The following LSAMP variants were observed in gnomAD, a reference collection of about 807,000 sequenced individuals.
The protein encoded by LSAMP is limbic system-associated membrane protein.
In LSAMP, 7 loss-of-function variants were observed where a neutral mutation model predicts 38.6. The observed-to-expected ratio is 0.18, with a 90% CI of 0.10 to 0.34. The LOEUF is 0.34. LSAMP is among the 10% of genes least tolerant of loss of function. LSAMP has a pLI of 1.00. For missense variants in LSAMP, 313 were observed against 420.0 expected, an observed-to-expected ratio of 0.75 and a Z score of 2.23; for synonymous variants, 154 against 166.8, an observed-to-expected ratio of 0.92 and a Z score of 0.59.
chr3:116,166,783 T>G (rs1710061248), intron 1 of LSAMP, among the ~76,000 whole-genome samples: 2 of 147,810 alleles, frequency 1.4e-5, no homozygotes, highest in African/African-American at 2.5e-5. Flanking sequence ...TTAGTTTTTT[T>G]TTTGTTTTTT....
chr3:116,142,489 A>G (rs1050877095), intron 1 of LSAMP, among the ~76,000 whole-genome samples: 3 of 152,050 alleles, frequency 2.0e-5, no homozygotes, highest in Admixed American at 2.0e-4. Context: ...ATCTCCAGCC[A>G]TAAGTCATTC....
At chr3:116,101,669 T>C (rs1708350368) in intron 1 of LSAMP, among the ~76,000 whole-genome samples, 1 of 152,186 alleles carries the variant, frequency 6.6e-6, no homozygotes, top group African/African-American at 2.4e-5. Context: ...GCTGTAGTTT[T>C]GTATTCTTTA....
At chr3:116,131,041 A>G (rs1487403629) in intron 1 of LSAMP, among the ~76,000 whole-genome samples, 5 of 130,182 alleles carry the variant, frequency 3.8e-5, no homozygotes, top group Admixed American at 3.7e-4. Context: ...CCCAGGCTGG[A>G]GTGCAGTGGC....
At chr3:115,880,336 A>C (rs746859462) in intron 3 of LSAMP, among the ~76,000 whole-genome samples, 2 of 152,096 alleles carry the variant, frequency 1.3e-5, no homozygotes, top group Non-Finnish European at 2.9e-5. Context: ...GAGTTGCCTT[A>C]TTTTGCCTTA....
rs1170325465 is a variant in LSAMP, at chr3:115,930,002, G to GTTTTTTTTTTTTTTTT, written c.515-77401_515-77386dup. On this transcript the variant is annotated intron_variant, in intron 3 of 6. Transcript: ENST00000490035. ...ATCCAGATCTATAAATTTAGCAGAAGTTTTTTTTTTTTTTTTTTTTTTTTG... is the reference window on the plus strand; with the variant it reads ...ATCCAGATCTATAAATTTAGCAGAAGTTTTTTTTTTTTTTTTTTTTTTTTTTTTTTTTTTTTTTTTG... 5.0e-5 allele frequency among the ~76,000 whole-genome samples: 4 copies of GTTTTTTTTTTTTTTTT among 80,294 alleles called. 1 individual carries two copies. Among genetic ancestry groups the GTTTTTTTTTTTTTTTT allele is most frequent in the South Asian group, 5.5e-4 (1 of 1,802 alleles). 52.7% of individuals were successfully genotyped at this position (80,294 alleles called of 152,430 possible).
chr3:116,300,514 A>G (rs1426495455), intron 1 of LSAMP, among the ~76,000 whole-genome samples: 12 of 152,202 alleles, frequency 7.9e-5, no homozygotes, highest in Non-Finnish European at 1.0e-4. Context: ...CCAGCTGCAC[A>G]GCAGGAGGTA....
chr3:116,403,258 G>A (rs376304910), intron 1 of LSAMP, among the ~76,000 whole-genome samples: 121 of 152,242 alleles, frequency 7.9e-4, no homozygotes, highest in African/African-American at 2.6e-3. Context: ...ACTTTTCTAC[G>A]TGGCATTTGC....
rs1940790250 is a variant in LSAMP, at chr3:116,026,273, T to C, written c.389-6633A>G. Among the ~76,000 whole-genome samples, 3 of 152,156 alleles carry C rather than the reference T, an allele frequency of 2.0e-5. 1 individual carries two copies. The highest frequency in any genetic ancestry group is 7.2e-5 in the African/African-American group (3 of 41,438). On this transcript the variant is annotated intron_variant, in intron 2 of 6. Transcript: ENST00000490035. ...CTCCTTATTGTCTTTGTAGTTCCTT[T>C]ATCCACCCTCTACCAGATCTCCAGG... is the stretch of plus-strand genomic sequence containing the variant.
At chr3:115,851,872 T>C (rs1019720172) in intron 4 of LSAMP, among the ~76,000 whole-genome samples, 2 of 152,164 alleles carry the variant, frequency 1.3e-5, no homozygotes, top group Non-Finnish European at 2.9e-5. Context: ...TAAGAATCCT[T>C]TCATCCGAGA....
At chr3:116,054,637 T>A (rs1433213624) in intron 2 of LSAMP, among the ~76,000 whole-genome samples, 3 of 152,122 alleles carry the variant, frequency 2.0e-5, no homozygotes, top group African/African-American at 7.2e-5. Context: ...TAATCAACAC[T>A]GAATAGAATA....
chr3:116,006,975 T>C (rs1436701238), intron 3 of LSAMP, among the ~76,000 whole-genome samples: 1 of 152,188 alleles, frequency 6.6e-6, no homozygotes, highest in Non-Finnish European at 1.5e-5. Flanking sequence ...GACTCGGCTA[T>C]CAGGCCAAAA....
intron 4 of LSAMP, among the ~76,000 whole-genome samples, chr3:115,849,159 A>G (rs1264104783): frequency 6.6e-6 from 1 of 152,224 alleles, no homozygotes; most frequent in Non-Finnish European, 1.5e-5. Flanking sequence ...TCTAAATTAT[A>G]CTAAGCTTAT....
intron 1 of LSAMP, among the ~76,000 whole-genome samples, chr3:116,202,713 C>T (rs531503057): frequency 6.6e-6 from 1 of 152,122 alleles, no homozygotes; most frequent in African/African-American, 2.4e-5. Context: ...TGTGAGCCAC[C>T]ATACCCAAGC....
intron 6 of LSAMP, among the ~76,000 whole-genome samples, chr3:115,811,663 C>T (rs1933837001): frequency 6.6e-6 from 1 of 151,712 alleles, no homozygotes; most frequent in Admixed American, 6.6e-5. Context: ...ACAAACATAC[C>T]CAATTGGAGA....
At chr3:116,029,566 G>C (rs1415598056) in intron 2 of LSAMP, among the ~76,000 whole-genome samples, 1 of 152,060 alleles carries the variant, frequency 6.6e-6, no homozygotes, top group African/African-American at 2.4e-5. Context: ...AAGATAAAAT[G>C]TATGCACAAA....
intron 3 of LSAMP, among the ~76,000 whole-genome samples, chr3:115,945,842 T>C (rs1194437301): frequency 1.3e-5 from 2 of 152,158 alleles, no homozygotes; most frequent in Non-Finnish European, 2.9e-5. Flanking sequence ...CAAGAACAAA[T>C]TTTGCTTTTG....
intron 3 of LSAMP, among the ~76,000 whole-genome samples, chr3:115,934,615 T>C (rs548095042): frequency 2.0e-5 from 3 of 152,358 alleles, no homozygotes; most frequent in East Asian, 1.9e-4. Context: ...CAGTACTTGA[T>C]GAACTAATGG....
chr3:115,989,865 T>C (rs1939617835), intron 3 of LSAMP, among the ~76,000 whole-genome samples: 1 of 152,170 alleles, frequency 6.6e-6, no homozygotes, highest in East Asian at 1.9e-4. Context: ...GGACTTGATT[T>C]AGAGTGAGTT....
chr3:116,375,008 A>G (rs960153577), intron 1 of LSAMP, among the ~76,000 whole-genome samples: 17 of 151,934 alleles, frequency 1.1e-4, no homozygotes, highest in Admixed American at 9.9e-4. Context: ...CCCAGGCACA[A>G]AAAAGAGTTG....
Sources: allele counts gnomAD v4.1 joint callset (sites outside exome capture counted in the v4.1 genomes callset), GRCh38; gene constraint gnomAD v4.1.1; transcripts MANE v1.5; gene names NCBI Gene and HGNC (gene_info 2026-07-23, HGNC 2026-07-21).